The following PELP1 variants were observed in gnomAD, a reference collection of about 807,000 sequenced individuals.
PELP1 encodes the protein proline-, glutamic acid- and leucine-rich protein 1.
In PELP1, 32 loss-of-function variants were observed where a neutral mutation model predicts 95.5. The ratio of observed to expected loss-of-function variants is 0.34; its 90% CI spans 0.25 to 0.45. The LOEUF (loss-of-function observed/expected upper bound fraction) is 0.45, where lower values mean the gene tolerates loss of function less well. Among genes scored for constraint, PELP1 ranks in the 20% least tolerant of loss-of-function variants. The pLI is 1.00. For synonymous variants in PELP1, 668 were observed against 600.1 expected, an observed-to-expected ratio of 1.11 and a Z score of -1.65; for missense variants, 1,358 against 1,444.8, an observed-to-expected ratio of 0.94 and a Z score of 0.97.
At chr17:4,671,669 C>A (rs762911508) in intron 16 of PELP1, 22 bp downstream of exon 16, 6 of 1,591,068 alleles carry the variant, frequency 3.8e-6, no homozygotes, top group Admixed American at 3.8e-5. Flanking sequence ...GCCCAAGGAA[C>A]CTTCCCTGCC....
At chr17:4,691,043 G>A (rs771844712) in intron 2 of PELP1, 50 bp from the exon 3 acceptor site, 2 of 1,316,802 alleles carry the variant, frequency 1.5e-6, no homozygotes, top group Admixed American at 1.7e-5. Context: ...CTAGACTTCA[G>A]AGAAAGTGAC....
intron 3 of PELP1, among the ~76,000 whole-genome samples, chr17:4,687,238 T>C (rs1255435067): frequency 6.6e-6 from 1 of 152,196 alleles, no homozygotes; most frequent in East Asian, 1.9e-4. Context: ...CATTCATTTA[T>C]ATAATTATTC....
intron 3 of PELP1, among the ~76,000 whole-genome samples, chr17:4,685,309 C>T (rs1402826001): frequency 6.6e-6 from 1 of 152,176 alleles, no homozygotes; most frequent in Non-Finnish European, 1.5e-5. Context: ...CTTGGCCCCC[C>T]CAGCCCGCAA....
At chr17:4,682,715 C>A in intron 4 of PELP1, 88 bp downstream of exon 4, 1 of 1,460,144 alleles carries the variant, frequency 6.8e-7, no homozygotes, top group Non-Finnish European at 9.3e-7. Flanking sequence ...CAATCCTATT[C>A]CCCAGTCACT....
chr17:4,703,811 G>T, intron 1 of PELP1, 52 bp downstream of exon 1: 12 of 1,497,064 alleles, frequency 8.0e-6, no homozygotes, highest in Non-Finnish European at 1.0e-5. Context: ...CGGCGCACAG[G>T]TGCCGCGCCA....
At chr17:4,687,981 A>G (rs1452569033) in intron 3 of PELP1, among the ~76,000 whole-genome samples, 1 of 152,230 alleles carries the variant, frequency 6.6e-6, no homozygotes, top group African/African-American at 2.4e-5. Context: ...CACTTTCACC[A>G]CTTCTATTCA....
chr17:4,698,311 G>A (rs187605615), intron 1 of PELP1, among the ~76,000 whole-genome samples: 3 of 152,008 alleles, frequency 2.0e-5, no homozygotes, highest in African/African-American at 7.2e-5. Context: ...AAAGGCTGAA[G>A]AACTATTTCA....
At position 4,675,683 on chromosome 17, in the gene PELP1, C is replaced by T. The variant is rs1305214005; in HGVS notation, c.1068+114G>A. On this transcript the variant is annotated intron_variant, in intron 9 of 16. Coordinates refer to ENST00000572293, the MANE Select transcript of PELP1 (RefSeq NM_014389.3). This position sits in a 1 kb window ranked among gnomAD's most constrained non-coding sequence, Gnocchi z 4.3. ...ATGTTATTTGGACAAAAGTAGGAAGCTCTCTGGGACGACTCCAGGATGACA... is the reference window on the plus strand; with the variant it reads ...ATGTTATTTGGACAAAAGTAGGAAGTTCTCTGGGACGACTCCAGGATGACA... 10 of 781,198 alleles carry T rather than the reference C, an allele frequency of 1.3e-5. No homozygotes were observed. The highest frequency in any genetic ancestry group is 8.8e-5 in the South Asian group (6 of 68,096). The allele number at this position is 781,198 out of a possible 1,614,324, so 48.4% of individuals were successfully genotyped here.
Position 4,676,451 on chromosome 17 carries a change from G to A in PELP1, c.759C>T (p.Gly253=), listed in dbSNP as rs1912482247. The change falls in exon 7 of 17, where the codon GGC becomes GGT. Residue 253 remains glycine (G), a synonymous_variant. Transcript: ENST00000572293. ...GCTCCCAGCTCTCGGTGTGCTTCAG[G>A]CCTTGGGAAAAGCCAGCCCCTAAAG... ...LPSLGAGFSQ[G]LKHTESWEQE... is the part of the protein sequence containing the mutation. The A allele has an allele frequency of 6.2e-7, 1 of 1,613,660 alleles. No homozygotes were observed. The highest frequency in any genetic ancestry group is 8.5e-7 in the Non-Finnish European group (1 of 1,179,794).
chr17:4,673,311 G>A lies in PELP1; in HGVS notation c.1784C>T (p.Pro595Leu). 6.3e-7 allele frequency: 1 copy of A among 1,586,132 alleles called. No homozygotes were observed. The part of the protein sequence containing the change: ...ALLLAPSPRC[P>L]PPLACALQAF... ...TTGCAGGGCACAGGCAAGAGGAGGT[G>A]GGCAGCGAGGAGACGGGGCCAGCAG... The change falls in exon 15 of 17, where the codon CCA (proline) becomes CTA (leucine). Residue 595 changes from proline (P) to leucine (L), a missense_variant. Physicochemically the swap from Pro to Leu is moderately conservative, Grantham distance 98. Coordinates refer to ENST00000572293, the MANE Select transcript of PELP1 (RefSeq NM_014389.3). The surrounding 1 kb of genome is among the most constrained non-coding windows in gnomAD (Gnocchi z 5.7).
chr17:4,694,939 A>C (rs1913239972), intron 1 of PELP1, among the ~76,000 whole-genome samples: 1 of 149,640 alleles, frequency 6.7e-6, no homozygotes, highest in Admixed American at 6.7e-5. Context: ...AACCCGGGAG[A>C]ATCGCTTGAA....
Position 4,675,070 on chromosome 17 carries a change from G to T in PELP1, c.1274+9C>A, listed in dbSNP as rs764386764. ...TCTTTATTCCCTTCCTGCCTTCCTG[G>T]ATGGTCACCTGTAAGGCCTCTCCTG... On this transcript the variant is annotated intron_variant, in intron 11 of 16. Transcript: ENST00000572293. This position sits in a 1 kb window ranked among gnomAD's most constrained non-coding sequence, Gnocchi z 4.3. 2 of 1,612,954 alleles carry T rather than the reference G, an allele frequency of 1.2e-6. No homozygotes were observed. The highest frequency in any genetic ancestry group is 1.7e-6 in the Non-Finnish European group (2 of 1,179,034).
In PELP1 at chr17:4,703,848, G is replaced by T. The variant is rs773951559; in HGVS notation, c.249+15C>A. ...CCTCCCCACAGGGCCGCGGGCACGCGGGCCACGGACTCACCTGGGCCCCGC... is the reference window on the plus strand; with the variant it reads ...CCTCCCCACAGGGCCGCGGGCACGCTGGCCACGGACTCACCTGGGCCCCGC... On this transcript the variant is annotated intron_variant, in intron 1 of 16. Transcript: ENST00000572293. The T allele has an allele frequency of 1.3e-6, 2 of 1,599,594 alleles. No homozygotes were observed. Among genetic ancestry groups the T allele is most frequent in the Non-Finnish European group, 1.7e-6 (2 of 1,172,078 alleles).
chr17:4,698,695 CAT>C (rs1487380548), intron 1 of PELP1, among the ~76,000 whole-genome samples: 1 of 146,200 alleles, frequency 6.8e-6, no homozygotes, highest in Non-Finnish European at 1.5e-5. Flanking sequence ...CTAAATGCAA[CAT>C]GTGATCCTGC....
chr17:4,674,948 C>T lies in PELP1; in HGVS notation c.1283G>A (p.Arg428Gln). 1.2e-6 allele frequency: 2 copies of T among 1,611,278 alleles called. No homozygotes were observed. The highest frequency in any genetic ancestry group is 1.7e-6 in the Non-Finnish European group (2 of 1,177,992). The change falls in exon 12 of 17, where the codon CGG (arginine) becomes CAG (glutamine). Residue 428 changes from arginine to glutamine, a missense_variant. Around this residue, in one of 7 missense-constraint regions of PELP1, gnomAD observed 538 missense variants for 628.1 expected, o/e 0.86. Coordinates refer to ENST00000572293, the MANE Select transcript of PELP1 (RefSeq NM_014389.3). ...PGQERPYSTV[R>Q]TKVYAILELW... ...CTCTAATATCGCATACACCTTGGTC[C>T]GAACCGTGCTGTGTCATGAGCAAAG...
chr17:4,703,974 T>C lies in PELP1; in HGVS notation c.138A>G (p.Gln46=), dbSNP rs1913665338. 6.2e-7 allele frequency: 1 copy of C among 1,613,434 alleles called. No individual in the cohort carries two copies. The highest frequency in any genetic ancestry group is 8.5e-7 in the Non-Finnish European group (1 of 1,179,712). The part of the protein sequence containing the change: ...LLLESVSGLL[Q]PRTGSAVAPV... ...GAGCAACGGCAGACCCCGTTCGAGG[T>C]TGCAGCAAACCAGAAACACTCTCCA... The change falls in exon 1 of 17, where the codon CAA becomes CAG. Residue 46 remains glutamine, a synonymous_variant. Coordinates refer to ENST00000572293, the MANE Select transcript of PELP1 (RefSeq NM_014389.3).
At chr17:4,685,655 T>C (rs1326088912) in intron 3 of PELP1, among the ~76,000 whole-genome samples, 2 of 147,964 alleles carry the variant, frequency 1.4e-5, no homozygotes, top group Admixed American at 1.4e-4. Context: ...TAGCGGGGGG[T>C]GGTGGTACAC....
At chr17:4,686,937 A>C (rs187055356) in intron 3 of PELP1, among the ~76,000 whole-genome samples, 1 of 152,208 alleles carries the variant, frequency 6.6e-6, no homozygotes, top group Non-Finnish European at 1.5e-5. Flanking sequence ...AAGGCCATAC[A>C]CAACTTGGTC....
In PELP1 at chr17:4,670,006, T is replaced by C. The variant is rs1912134856; in HGVS notation, c.*1433A>G. ...CAGATGTATAGATTAGACAGATATA[T>C]GGGTGTAATATAGATACATGTCTAC... On this transcript the variant is annotated 3_prime_UTR_variant, in exon 17 of 17. Coordinates refer to ENST00000572293, the MANE Select transcript of PELP1 (RefSeq NM_014389.3). The C allele has an allele frequency of 6.6e-6, 1 of 152,148 alleles. No homozygotes were observed. Among genetic ancestry groups the C allele is most frequent in the Non-Finnish European group, 1.5e-5 (1 of 68,026 alleles). 9.4% of individuals were successfully genotyped at this position (152,148 alleles called of 1,614,324 possible).
Sources: gnomAD v4.1 joint callset for allele counts (sites outside exome capture counted in the v4.1 genomes callset) on GRCh38, gnomAD v4.1.1 for gene constraint, gnomAD v4.1.1 regional missense constraint, Gnocchi (gnomAD v3.1) non-coding constraint, MANE v1.5 for transcripts, NCBI Gene and HGNC (gene_info 2026-07-23, HGNC 2026-07-21) for gene names.